The following RNF213 variants were observed in gnomAD, a reference collection of about 807,000 sequenced individuals.
RNF213 encodes E3 ubiquitin-protein ligase RNF213.
A neutral mutation model predicts 514.4 loss-of-function variants in RNF213; 341 were observed. The ratio of observed to expected loss-of-function variants is 0.66; its 90% CI spans 0.61 to 0.73. RNF213 has a LOEUF of 0.73. Ranked by LOEUF, RNF213 falls within the 30% of genes least tolerant of loss-of-function variation. The pLI is 0.00. For synonymous variants in RNF213, 2,655 were observed against 2,658.2 expected, an observed-to-expected ratio of 1.00 and a Z score of 0.04; for missense variants, 5,767 against 6,615.6, an observed-to-expected ratio of 0.87 and a Z score of 4.45.
chr17:80,338,234 G>A (rs774344890), intron 25 of RNF213, among the ~76,000 whole-genome samples: 3 of 152,110 alleles, frequency 2.0e-5, no homozygotes, highest in Non-Finnish European at 4.4e-5. Flanking sequence ...CCCTCCTTAC[G>A]ATCCGTAGGA....
At chr17:80,393,269 C>A in intron 67 of RNF213, 76 bp from the exon 68 acceptor site, 1 of 1,399,012 alleles carries the variant, frequency 7.1e-7, no homozygotes, top group Non-Finnish European at 9.8e-7. Context: ...ACGTGAGCCA[C>A]ACAGTGCTGG....
intron 25 of RNF213, among the ~76,000 whole-genome samples, chr17:80,338,973 A>AT: frequency 6.6e-6 from 1 of 150,696 alleles, no homozygotes; most frequent in Non-Finnish European, 1.5e-5. Context: ...AAAAAAAAAA[A>AT]TTAAAACAAA....
Position 80,319,207 on chromosome 17 carries a change from G to A in RNF213, c.2919G>A (p.Gln973=). Residue 973 remains glutamine (Q), a synonymous_variant, in exon 17 of 68, where the codon CAG becomes CAA. Coordinates refer to ENST00000582970, the MANE Select transcript of RNF213 (RefSeq NM_001256071.3). ...TTTTGCAGGAGGAACCCCTCTCCCA[G>A]ATCACTGCCTACTGCAATAGTTGCT... ...WRLTKEEPLS[Q]ITAYCNSCWD... 1 of 1,614,220 alleles carries A rather than the reference G, an allele frequency of 6.2e-7. No homozygotes were observed. Among genetic ancestry groups the A allele is most frequent in the East Asian group, 2.2e-5 (1 of 44,892 alleles).
At chr17:80,311,612 G>A (rs376927318) in intron 14 of RNF213, among the ~76,000 whole-genome samples, 5 of 152,126 alleles carry the variant, frequency 3.3e-5, no homozygotes, top group African/African-American at 7.2e-5. Flanking sequence ...GTATCTTCCC[G>A]CCCTGGCCCT....
intron 1 of RNF213, among the ~76,000 whole-genome samples, chr17:80,261,162 C>T (rs2043403610): frequency 6.6e-6 from 1 of 152,084 alleles, no homozygotes; most frequent in South Asian, 2.1e-4. Context: ...ACCCCGGCGA[C>T]ATCCCCGGAG....
At chr17:80,388,833 A>G (rs929523731) in intron 64 of RNF213, 144 bp downstream of exon 64, 3 of 742,540 alleles carry the variant, frequency 4.0e-6, no homozygotes, top group Non-Finnish European at 7.3e-6. Flanking sequence ...AGAGCAAGCA[A>G]GACAGCAAAT....
chr17:80,323,929 T>A (rs2046212813), intron 17 of RNF213, among the ~76,000 whole-genome samples: 1 of 152,104 alleles, frequency 6.6e-6, no homozygotes, highest in Admixed American at 6.6e-5. Flanking sequence ...CCATGCGTCT[T>A]GTATCCTGCA....
In RNF213 at chr17:80,379,694, G is replaced by C. The variant is rs769733791; in HGVS notation, c.13620G>C (p.Arg4540=). The C allele has an allele frequency of 1.9e-6, 3 of 1,614,156 alleles. No individual in the cohort carries two copies. The Admixed American group carries it at 5.0e-5, about 27-fold the overall frequency. ...APIGGIDHKP[R]DGFHLVKDKA... ...TTGGAGGCATTGACCACAAACCTCG[G>C]GACGGCTTTCATCTGGTCAAGTATG... Residue 4540 remains arginine, a synonymous_variant, in exon 55 of 68, where the codon CGG becomes CGC. Transcript: ENST00000582970.
In RNF213 at chr17:80,353,687, C is replaced by G. The variant is rs539434987; in HGVS notation, c.10578+21C>G. On this transcript the variant is annotated intron_variant, in intron 34 of 67. Transcript: ENST00000582970. The surrounding 1 kb of genome is among the most constrained non-coding windows in gnomAD (Gnocchi z 5.0). ...GTGATGTAAGTTCTGGTTCTTGGGA[C>G]CTCCCCTTGTGCTGCTGGTGATGCT... The G allele has an allele frequency of 5.0e-5, 80 of 1,614,102 alleles. 1 individual carries two copies. In the South Asian group the frequency reaches 8.6e-4, roughly 17 times the overall value.
Position 80,372,612 on chromosome 17 carries a change from C to T in RNF213, c.12629C>T (p.Pro4210Leu). The T allele has an allele frequency of 6.2e-7, 1 of 1,614,044 alleles. No individual in the cohort carries two copies. The highest frequency in any genetic ancestry group is 1.1e-5 in the South Asian group (1 of 91,038). ...GGTCGTTTCCTTAAGGCATATTCTC[C>T]AGCAAGCCGGGGCCGAGAGCCTGCC... ...EEGRFLKAYSPASRGREPANE... is the reference protein window; with the variant it reads ...EEGRFLKAYSLASRGREPANE... The change falls in exon 48 of 68, where the codon CCA becomes CTA. Residue 4210 changes from proline (P) to leucine (L), a missense_variant. Transcript: ENST00000582970.
At chr17:80,322,515 G>A (rs963244129) in intron 17 of RNF213, among the ~76,000 whole-genome samples, 6 of 152,046 alleles carry the variant, frequency 3.9e-5, no homozygotes, top group Non-Finnish European at 7.4e-5. Context: ...GGTGGAGGTT[G>A]CAGTGAGCTG....
intron 67 of RNF213, among the ~76,000 whole-genome samples, chr17:80,392,020 G>A (rs375541080): frequency 2.6e-5 from 4 of 151,730 alleles, no homozygotes; most frequent in African/African-American, 7.3e-5. Flanking sequence ...TGCCCGTCTC[G>A]GCCTCCCAAA....
intron 54 of RNF213, among the ~76,000 whole-genome samples, chr17:80,378,232 A>C (rs2079840751): frequency 1.3e-5 from 2 of 152,322 alleles, no homozygotes; most frequent in South Asian, 4.1e-4. Context: ...ATAGAATGGC[A>C]AGGTGTTGCC....
Position 80,347,278 on chromosome 17 carries a change from G to A in RNF213, c.8943G>A (p.Gln2981=). 6.2e-7 allele frequency: 1 copy of A among 1,613,822 alleles called. No homozygotes were observed. The highest frequency in any genetic ancestry group is 8.5e-7 in the Non-Finnish European group (1 of 1,179,962). The change falls in exon 29 of 68, where the codon CAG becomes CAA. Residue 2981 remains glutamine, a synonymous_variant. Transcript: ENST00000582970. This position sits in a 1 kb window ranked among gnomAD's most constrained non-coding sequence, Gnocchi z 7.2. The part of the protein sequence containing the change: ...NRKPSPQDIA[Q]AVLRNFSGKD... ...AGCCTTCCCCGCAAGACATTGCACAGGCTGTCCTTAGGAACTTCAGTGGCA... is the reference window on the plus strand; with the variant it reads ...AGCCTTCCCCGCAAGACATTGCACAAGCTGTCCTTAGGAACTTCAGTGGCA...
rs1307152371 is a variant in RNF213, at chr17:80,273,419, T to C, written c.261+15T>C. 8.1e-6 allele frequency: 13 copies of C among 1,610,928 alleles called. No individual in the cohort carries two copies. The Admixed American group carries it at 2.2e-4, about 27-fold the overall frequency. On this transcript the variant is annotated intron_variant, in intron 3 of 67. Coordinates refer to ENST00000582970, the MANE Select transcript of RNF213 (RefSeq NM_001256071.3). ...CCGTCCAAGAAGTGAGTGCACTGCCTCGGCTCCCCTCCGCCCCCGCTCACT... is the reference window on the plus strand; with the variant it reads ...CCGTCCAAGAAGTGAGTGCACTGCCCCGGCTCCCCTCCGCCCCCGCTCACT...
At chr17:80,386,640 A>G in intron 62 of RNF213, 50 bp from the exon 63 acceptor site, 1 of 1,588,940 alleles carries the variant, frequency 6.3e-7, no homozygotes, top group African/African-American at 1.3e-5. Context: ...ATAGAGCCCT[A>G]GGCCCGCATG....
In RNF213 at chr17:80,288,315, G is replaced by C; in HGVS notation, c.762G>C (p.Gly254=). The change falls in exon 4 of 68, where the codon GGG becomes GGC. Residue 254 remains glycine, a synonymous_variant. Transcript: ENST00000582970. This position sits in a 1 kb window ranked among gnomAD's most constrained non-coding sequence, Gnocchi z 4.9. ...CAAAAGGAGGCAGCTCTGAGCCCGG[G>C]ACAGAACTGCAGACCACCGAGCAAC... ...PESKGGSSEP[G]TELQTTEQQA... is the part of the protein sequence containing the mutation. 6.2e-7 allele frequency: 1 copy of C among 1,612,802 alleles called. No homozygotes were observed. Among genetic ancestry groups the C allele is most frequent in the African/African-American group, 1.3e-5 (1 of 74,996 alleles).
Position 80,385,092 on chromosome 17 carries a change from G to C in RNF213, c.14376G>C (p.Arg4792Ser). 6.2e-7 allele frequency: 1 copy of C among 1,614,156 alleles called. No homozygotes were observed. Among genetic ancestry groups the C allele is most frequent in the Non-Finnish European group, 8.5e-7 (1 of 1,180,024 alleles). ...TGCCTGAGATTTTGGCCTTGCAAAG[G>C]GATCTAGTGAAGCAGTTCCAGAACG... ...KFLPEILALQ[R>S]DLVKQFQNVQ... Residue 4792 changes from arginine (R) to serine (S), a missense_variant, in exon 60 of 68, where the codon AGG (arginine) becomes AGC (serine). Arg to Ser is a moderately radical substitution (Grantham distance 110). Around this residue, in one of 13 missense-constraint regions of RNF213, gnomAD observed 1,245 missense variants for 1,339.0 expected, o/e 0.93. Coordinates refer to ENST00000582970, the MANE Select transcript of RNF213 (RefSeq NM_001256071.3).
In RNF213 at chr17:80,263,979, C is replaced by T. The variant is rs1454143255; in HGVS notation, c.97+201C>T. Among the ~76,000 whole-genome samples, 1 of 152,166 alleles carries T rather than the reference C, an allele frequency of 6.6e-6. No homozygotes were observed. Among genetic ancestry groups the T allele is most frequent in the Non-Finnish European group, 1.5e-5 (1 of 68,016 alleles). ...CTGTTTTGGGGTGGCATAGATTAGTCTCCCACACAGGTCAAGCCAGGGGAC... is the reference window on the plus strand; with the variant it reads ...CTGTTTTGGGGTGGCATAGATTAGTTTCCCACACAGGTCAAGCCAGGGGAC... On this transcript the variant is annotated intron_variant, in intron 2 of 67. Transcript: ENST00000582970. The surrounding 1 kb of genome is among the most constrained non-coding windows in gnomAD (Gnocchi z 4.9).
Sources: gnomAD v4.1 joint callset for allele counts (sites outside exome capture counted in the v4.1 genomes callset) on GRCh38, gnomAD v4.1.1 for gene constraint, gnomAD v4.1.1 regional missense constraint, Gnocchi (gnomAD v3.1) non-coding constraint, MANE v1.5 for transcripts, NCBI Gene and HGNC (gene_info 2026-07-23, HGNC 2026-07-21) for gene names.